The following NDST4 variants were observed in gnomAD, a reference collection of about 807,000 sequenced individuals.
NDST4 encodes N-deacetylase and N-sulfotransferase 4, also known as N-heparan sulfate sulfotransferase 4.
NDST4 carries 63 observed loss-of-function variants against 100.8 expected under a neutral mutation model. The ratio of observed to expected loss-of-function variants is 0.62; its 90% confidence interval spans 0.51 to 0.77. The LOEUF is 0.77. Ranked by LOEUF, NDST4 falls within the 30% of genes least tolerant of loss-of-function variation. The pLI is 0.00. For synonymous variants in NDST4, 377 were observed against 361.8 expected (o/e 1.04, Z -0.48); for missense variants, 943 against 1,018.4 (o/e 0.93, Z 1.01).
At chr4:114,998,275 A>G (rs1488836871) in intron 2 of NDST4, among the ~76,000 whole-genome samples, 3 of 152,154 alleles carry the variant, frequency 2.0e-5, no homozygotes, top group Admixed American at 6.6e-5. Flanking sequence ...TGAGCATCCT[A>G]TATCTACAGC....
chr4:115,085,861 T>A (rs757008266), intron 1 of NDST4, among the ~76,000 whole-genome samples: 1 of 152,134 alleles, frequency 6.6e-6, no homozygotes, highest in Non-Finnish European at 1.5e-5. Flanking sequence ...CACCAACAAG[T>A]AAGTGAAAAT....
intron 6 of NDST4, among the ~76,000 whole-genome samples, chr4:114,916,280 T>C (rs947041773): frequency 1.3e-5 from 2 of 152,154 alleles, no homozygotes; most frequent in African/African-American, 4.8e-5. Context: ...TGCCATTCCC[T>C]TATGTAAGTG....
At chr4:114,995,567 A>G (rs985761333) in intron 2 of NDST4, among the ~76,000 whole-genome samples, 2 of 152,094 alleles carry the variant, frequency 1.3e-5, no homozygotes, top group African/African-American at 4.8e-5. Flanking sequence ...TACTCCATTC[A>G]GACCATCAAA....
chr4:114,973,891 G>A (rs1018488701), intron 3 of NDST4, among the ~76,000 whole-genome samples: 2 of 151,374 alleles, frequency 1.3e-5, no homozygotes, highest in Admixed American at 6.6e-5. Context: ...ATATATGTGG[G>A]GATAGAATAA....
chr4:114,937,702 T>G (rs2126226336), intron 4 of NDST4, among the ~76,000 whole-genome samples, 199 bp from the exon 5 acceptor site: 1 of 152,292 alleles, frequency 6.6e-6, no homozygotes, highest in South Asian at 2.1e-4. Context: ...TAGTCATTAC[T>G]TTGGGCATGT....
In NDST4 at chr4:114,838,601, A is replaced by G. The variant is rs140888092; in HGVS notation, c.2286+777T>C. On this transcript the variant is annotated intron_variant, in intron 11 of 13. Coordinates refer to ENST00000264363, the MANE Select transcript of NDST4 (RefSeq NM_022569.3). ...CCAAATTCCGCATGTTCTCACTCAT[A>G]AGTGGGAGTTGAACAATGAGAACAT... 1.2e-3 allele frequency among the ~76,000 whole-genome samples: 190 copies of G among 152,238 alleles called. 1 individual carries two copies. Among genetic ancestry groups the G allele is most frequent in the Admixed American group, 5.0e-3 (76 of 15,304 alleles).
intron 7 of NDST4, among the ~76,000 whole-genome samples, chr4:114,864,507 A>G (rs752783264): frequency 1.3e-5 from 2 of 152,124 alleles, no homozygotes; most frequent in East Asian, 1.9e-4. Context: ...TTGTCTCTCA[A>G]TGTCATTTAA....
intron 2 of NDST4, among the ~76,000 whole-genome samples, chr4:115,068,253 T>C (rs1728994509): frequency 1.3e-5 from 2 of 152,020 alleles, no homozygotes; most frequent in Non-Finnish European, 2.9e-5. Flanking sequence ...AAATACATAG[T>C]AAAATAAAGG....
intron 11 of NDST4, among the ~76,000 whole-genome samples, chr4:114,835,377 C>T (rs1723286408): frequency 1.3e-5 from 2 of 152,106 alleles, no homozygotes; most frequent in South Asian, 2.1e-4. Context: ...GTTATTTACC[C>T]AGTAGTCACC....
chr4:114,931,157 A>T (rs1044519805), intron 6 of NDST4, among the ~76,000 whole-genome samples: 8 of 151,850 alleles, frequency 5.3e-5, no homozygotes, highest in African/African-American at 1.9e-4. Flanking sequence ...AGATTCACAT[A>T]TTAATATGTC....
chr4:115,099,779 G>A (rs902832761), intron 1 of NDST4, among the ~76,000 whole-genome samples: 3 of 152,044 alleles, frequency 2.0e-5, no homozygotes, highest in Non-Finnish European at 4.4e-5. Context: ...GCTAAACATA[G>A]TCATATTATC....
intron 1 of NDST4, among the ~76,000 whole-genome samples, chr4:115,084,308 G>A (rs753771766): frequency 2.6e-5 from 4 of 152,164 alleles, no homozygotes; most frequent in Non-Finnish European, 5.9e-5. Context: ...AAGTGGCAAA[G>A]CATTCAAGAG....
At chr4:115,010,781 C>A (rs967009712) in intron 2 of NDST4, among the ~76,000 whole-genome samples, 3 of 151,998 alleles carry the variant, frequency 2.0e-5, no homozygotes, top group Non-Finnish European at 4.4e-5. Context: ...ATATGAAAGA[C>A]AATCACCAGA....
At chr4:114,834,308 G>A (rs1003352331) in intron 11 of NDST4, among the ~76,000 whole-genome samples, 2 of 152,102 alleles carry the variant, frequency 1.3e-5, no homozygotes, top group African/African-American at 2.4e-5. Flanking sequence ...GAGGTCAGGA[G>A]TTCGAGACCA....
intron 2 of NDST4, among the ~76,000 whole-genome samples, chr4:114,992,309 A>G (rs1312408872): frequency 6.6e-6 from 1 of 151,898 alleles, no homozygotes; most frequent in African/African-American, 2.4e-5. Flanking sequence ...AGGTTTACAG[A>G]AAAACTAAGC....
At position 115,073,108 on chromosome 4, in the gene NDST4, A is replaced by G. The variant is rs80064732; in HGVS notation, c.978+2951T>C. Among the ~76,000 whole-genome samples, 919 of 152,180 alleles carry G rather than the reference A, an allele frequency of 6.0e-3. 9 individuals are homozygous for G. The highest frequency in any genetic ancestry group is 0.021 in the African/African-American group (874 of 41,576). ...TATCAGGGAAATGCGTGTCAAAACC[A>G]TAATGAGATATCACATCATACCTAT... On this transcript the variant is annotated intron_variant, in intron 2 of 13. Coordinates refer to ENST00000264363, the MANE Select transcript of NDST4 (RefSeq NM_022569.3).
At chr4:114,977,154 G>A in intron 3 of NDST4, 33 bp downstream of exon 3, 2 of 1,265,598 alleles carry the variant, frequency 1.6e-6, no homozygotes, top group Non-Finnish European at 1.1e-6. Context: ...CTATTTATAT[G>A]TAGCTGCCTG....
intron 1 of NDST4, among the ~76,000 whole-genome samples, chr4:115,094,893 C>T (rs1352063026): frequency 6.6e-6 from 1 of 151,988 alleles, no homozygotes; most frequent in Non-Finnish European, 1.5e-5. Flanking sequence ...ACTTCTAGCC[C>T]CCAGAACTGT....
chr4:114,828,078 C>T, intron 13 of NDST4, 143 bp from the exon 14 acceptor site: 1 of 786,190 alleles, frequency 1.3e-6, no homozygotes, highest in Non-Finnish European at 1.8e-6. Flanking sequence ...CCTCAAATAT[C>T]AGTTATTTTT....
Sources: allele counts gnomAD v4.1 joint callset (sites outside exome capture counted in the v4.1 genomes callset), GRCh38; gene constraint gnomAD v4.1.1; transcripts MANE v1.5; gene names NCBI Gene and HGNC (gene_info 2026-07-23, HGNC 2026-07-21).